Variants in DIP2B observed in about 807,000 individuals in gnomAD.
The protein encoded by DIP2B is DIP2 acetate--CoA ligase B (putative), also known as disco-interacting protein 2 homolog B.
In DIP2B, 76 loss-of-function variants were observed where a neutral mutation model predicts 198.0. The ratio of observed to expected loss-of-function variants is 0.38; its 90% confidence interval spans 0.32 to 0.46. The LOEUF is 0.46. DIP2B is among the 20% of genes least tolerant of loss of function. The probability of loss-of-function intolerance (pLI) is 0.99; values close to 1 mark genes in which losing one functional copy is unlikely to be tolerated. For missense variants in DIP2B, 1,559 were observed against 1,978.4 expected (o/e 0.79, Z 4.02); for synonymous variants, 701 against 739.1 (o/e 0.95, Z 0.84).
chr12:50,588,131 CTTTTCTTTTTT>C (rs1958786196), intron 1 of DIP2B, among the ~76,000 whole-genome samples: 1 of 138,360 alleles, frequency 7.2e-6, no homozygotes, highest in Non-Finnish European at 1.6e-5. Context: ...GTTGGTACTT[CTTTTCTTTTTT>C]TTTTCTTTTT....
intron 1 of DIP2B, among the ~76,000 whole-genome samples, chr12:50,559,878 T>TGG (rs1224962962): frequency 1.3e-5 from 2 of 152,174 alleles, no homozygotes; most frequent in East Asian, 3.8e-4. Context: ...GCACACCAAA[T>TGG]TTAATACAAC....
At chr12:50,629,865 A>G (rs909583572) in intron 2 of DIP2B, among the ~76,000 whole-genome samples, 54 of 151,562 alleles carry the variant, frequency 3.6e-4, no homozygotes, top group African/African-American at 1.2e-3. Flanking sequence ...GTCATCCTCA[A>G]CGTCCCTGTC....
At position 50,537,114 on chromosome 12, in the gene DIP2B, A is replaced by ATTTTTTTTTTTTTTTTT. The variant is rs34202995; in HGVS notation, c.100+31885_100+31901dup. 2.7e-3 allele frequency among the ~76,000 whole-genome samples: 88 copies of ATTTTTTTTTTTTTTTTT among 32,224 alleles called. 21 individuals are homozygous for ATTTTTTTTTTTTTTTTT. The highest frequency in any genetic ancestry group is 0.017 in the East Asian group (8 of 468). 21.1% of individuals were successfully genotyped at this position (32,224 alleles called of 152,430 possible). A position where few individuals can be genotyped will look rare whatever the true frequency, so the allele number is the denominator to read the frequency against. On this transcript the variant is annotated intron_variant, in intron 1 of 37. Transcript: ENST00000301180. ...CAGATTGCTTGTTTATTATTCTCTA[A>ATTTTTTTTTTTTTTTTT]TTTTTTTTTTTTTTTTTTTTTTTTT...
chr12:50,630,923 G>A (rs1938039032), intron 2 of DIP2B, among the ~76,000 whole-genome samples: 2 of 151,832 alleles, frequency 1.3e-5, no homozygotes, highest in South Asian at 2.1e-4. Context: ...CACCCACCTC[G>A]GCCTCCCAAA....
At chr12:50,735,455 GTTTTTTTGTTTTTT>G (rs1212179110) in intron 34 of DIP2B, among the ~76,000 whole-genome samples, 1 of 148,326 alleles carries the variant, frequency 6.7e-6, no homozygotes, top group Non-Finnish European at 1.5e-5. Context: ...GGTTTTTTTT[GTTTTTTTGTTTTTT>G]GTTTTTTGTT....
intron 22 of DIP2B, among the ~76,000 whole-genome samples, chr12:50,711,097 G>A (rs1330064463): frequency 6.6e-6 from 1 of 152,150 alleles, no homozygotes; most frequent in African/African-American, 2.4e-5. Context: ...GCAACTATAG[G>A]AATTAAATAC....
At chr12:50,577,339 G>C (rs780414848) in intron 1 of DIP2B, among the ~76,000 whole-genome samples, 11 of 151,850 alleles carry the variant, frequency 7.2e-5, no homozygotes, top group Non-Finnish European at 1.3e-4. Flanking sequence ...AGACCATCCG[G>C]GCTAACACAG....
chr12:50,688,044 C>A (rs1939161313), intron 12 of DIP2B, among the ~76,000 whole-genome samples: 1 of 151,896 alleles, frequency 6.6e-6, no homozygotes, highest in African/African-American at 2.4e-5. Flanking sequence ...AACCCCGTTT[C>A]TACTAAAAAT....
At chr12:50,637,411 C>G (rs1399593851) in intron 2 of DIP2B, among the ~76,000 whole-genome samples, 2 of 152,186 alleles carry the variant, frequency 1.3e-5, no homozygotes, top group African/African-American at 4.8e-5. Flanking sequence ...CAAGGCTTTT[C>G]TCCCTCACTG....
Position 50,748,107 on chromosome 12 carries a change from C to G in DIP2B, c.*3268C>G, listed in dbSNP as rs556771942. On this transcript the variant is annotated 3_prime_UTR_variant, in exon 38 of 38. Coordinates refer to ENST00000301180, the MANE Select transcript of DIP2B (RefSeq NM_173602.3). ...TGCTTTTGTTGACTCAACAAGGGCC[C>G]GAGGCCTTAGGTTTTCTATTAAGGT... 1 of 152,586 alleles carries G rather than the reference C, an allele frequency of 6.6e-6. No individual in the cohort carries two copies. Among genetic ancestry groups the G allele is most frequent in the Non-Finnish European group, 1.5e-5 (1 of 68,030 alleles). The allele number at this position is 152,586 out of a possible 1,614,324, so 9.5% of individuals were successfully genotyped here. A position where few individuals can be genotyped will look rare whatever the true frequency, so the allele number is the denominator to read the frequency against.
chr12:50,537,591 C>T (rs1036565692), intron 1 of DIP2B, among the ~76,000 whole-genome samples: 11 of 152,016 alleles, frequency 7.2e-5, no homozygotes, highest in Admixed American at 3.3e-4. Context: ...GTTCAATAGG[C>T]AGTTAGAAGT....
chr12:50,719,562 C>T (rs561833038), intron 25 of DIP2B, among the ~76,000 whole-genome samples: 18 of 152,256 alleles, frequency 1.2e-4, no homozygotes, highest in African/African-American at 4.1e-4. Context: ...TATTTTAGGA[C>T]TGGGCACAGT....
chr12:50,651,753 A>G (rs545208238), intron 3 of DIP2B, among the ~76,000 whole-genome samples: 1 of 152,230 alleles, frequency 6.6e-6, no homozygotes, highest in East Asian at 1.9e-4. Context: ...TTTTAAAAAT[A>G]GGGACACAAT....
chr12:50,621,827 C>T (rs932896567), intron 1 of DIP2B, among the ~76,000 whole-genome samples: 3 of 152,214 alleles, frequency 2.0e-5, no homozygotes, highest in African/African-American at 7.2e-5. Context: ...ATTCTCACTG[C>T]AGCTCAGCTT....
chr12:50,552,550 A>C (rs367641542), intron 1 of DIP2B, among the ~76,000 whole-genome samples: 2 of 151,896 alleles, frequency 1.3e-5, no homozygotes, highest in African/African-American at 2.4e-5. Context: ...TATATTCTGG[A>C]TATTAACCCT....
chr12:50,562,837 AG>A (rs796221622), intron 1 of DIP2B, among the ~76,000 whole-genome samples: 28 of 152,216 alleles, frequency 1.8e-4, no homozygotes, highest in African/African-American at 6.7e-4. Flanking sequence ...TTTGTGTGTG[AG>A]GGAGAGAGAC....
chr12:50,661,323 A>G (rs1381020330), intron 4 of DIP2B, among the ~76,000 whole-genome samples: 1 of 152,110 alleles, frequency 6.6e-6, no homozygotes, highest in Non-Finnish European at 1.5e-5. Context: ...GGAGATTCCT[A>G]GGTTGCCTTA....
chr12:50,601,337 TTTTG>T (rs1455656447), intron 1 of DIP2B, among the ~76,000 whole-genome samples: 21 of 151,992 alleles, frequency 1.4e-4, no homozygotes, highest in East Asian at 3.9e-4. Context: ...CTATATATTT[TTTTG>T]TTTGTTTGTT....
In DIP2B at chr12:50,632,098, T is replaced by C. The variant is rs534082035; in HGVS notation, c.172+6051T>C. 1.8e-3 allele frequency among the ~76,000 whole-genome samples: 281 copies of C among 152,218 alleles called. 1 individual carries two copies. Among genetic ancestry groups the C allele is most frequent in the Middle Eastern group, 6.8e-3 (2 of 294 alleles). ...TCCCGCCTCCGCCTTCCAAAAGTGC[T>C]AGGATTACAGGTGTGGGCTACCACA... On this transcript the variant is annotated intron_variant, in intron 2 of 37. Coordinates refer to ENST00000301180, the MANE Select transcript of DIP2B (RefSeq NM_173602.3).
Sources: gnomAD v4.1 joint callset for allele counts (sites outside exome capture counted in the v4.1 genomes callset) on GRCh38, gnomAD v4.1.1 for gene constraint, MANE v1.5 for transcripts, NCBI Gene and HGNC (gene_info 2026-07-23, HGNC 2026-07-21) for gene names.